The following NDUFAF1 variants were observed in gnomAD, a reference collection of about 807,000 sequenced individuals.
NDUFAF1 encodes the protein complex I intermediate-associated protein 30, mitochondrial.
NDUFAF1 carries 18 observed loss-of-function variants against 28.7 expected under a neutral mutation model. The ratio of observed to expected loss-of-function variants is 0.63; its 90% CI spans 0.43 to 0.93. The LOEUF (loss-of-function observed/expected upper bound fraction) is 0.93, where lower values mean the gene tolerates loss of function less well. Among genes scored for constraint, NDUFAF1 ranks in the 40% least tolerant of loss-of-function variants. The pLI is 0.00. For synonymous variants in NDUFAF1, 113 were observed against 139.7 expected (o/e 0.81, Z 1.35); for missense variants, 404 against 398.3 (o/e 1.01, Z -0.12).
At chr15:41,392,062 TA>T (rs2050322959) in intron 3 of NDUFAF1, among the ~76,000 whole-genome samples, 1 of 148,910 alleles carries the variant, frequency 6.7e-6, no homozygotes, top group Non-Finnish European at 1.5e-5. Context: ...GTTTGGACTT[TA>T]TTCTTTTTTT....
At chr15:41,389,153 G>A (rs531642694) in intron 3 of NDUFAF1, among the ~76,000 whole-genome samples, 1 of 151,966 alleles carries the variant, frequency 6.6e-6, no homozygotes, top group East Asian at 1.9e-4. Flanking sequence ...TGCCATCTTG[G>A]CTCACTGCAA....
At chr15:41,395,097 AT>A in intron 2 of NDUFAF1, 53 bp from the exon 3 acceptor site, 1 of 1,544,286 alleles carries the variant, frequency 6.5e-7, no homozygotes, top group Non-Finnish European at 8.9e-7. Context: ...TATTAGCAAA[AT>A]GTGAGTCATC....
Position 41,396,814 on chromosome 15 carries a change from G to A in NDUFAF1, c.246C>T (p.Phe82=), listed in dbSNP as rs367623487. ...TTGCTTCATCTCTAATTGCTTTATC[G>A]AAACTAACATCAGGCTTCTCCTCAG... ...TSSEEKPDVS[F]DKAIRDEAIY... Residue 82 remains phenylalanine (F), a synonymous_variant, in exon 2 of 5, where the codon TTC becomes TTT. Transcript: ENST00000260361. The A allele has an allele frequency of 3.7e-6, 6 of 1,613,918 alleles. No individual in the cohort carries two copies. The highest frequency in any genetic ancestry group is 1.7e-5 in the Admixed American group (1 of 59,972).
At chr15:41,395,408 C>A (rs1163177601) in intron 2 of NDUFAF1, among the ~76,000 whole-genome samples, 1 of 148,876 alleles carries the variant, frequency 6.7e-6, no homozygotes, top group Admixed American at 6.8e-5. Flanking sequence ...CTTGCTCTGT[C>A]ACCCAGGCTG....
At chr15:41,387,616 G>T in intron 4 of NDUFAF1, 23 bp from the exon 5 acceptor site, 1 of 1,577,426 alleles carries the variant, frequency 6.3e-7, no homozygotes, top group Non-Finnish European at 8.7e-7. Context: ...TACAGAAATT[G>T]ATTAAAATCT....
intron 2 of NDUFAF1, among the ~76,000 whole-genome samples, chr15:41,395,460 C>T (rs1268289556): frequency 6.6e-6 from 1 of 151,124 alleles, no homozygotes; most frequent in Non-Finnish European, 1.5e-5. Flanking sequence ...AGCTCTGCCT[C>T]CTGGGTTCAC....
chr15:41,397,753 C>G (rs1345866435), intron 1 of NDUFAF1, among the ~76,000 whole-genome samples: 1 of 149,590 alleles, frequency 6.7e-6, no homozygotes, highest in Non-Finnish European at 1.5e-5. Context: ...GAGCGGAGAT[C>G]CCGCCACTAC....
At chr15:41,392,795 C>G (rs2050331357) in intron 3 of NDUFAF1, among the ~76,000 whole-genome samples, 2 of 152,084 alleles carry the variant, frequency 1.3e-5, no homozygotes, top group South Asian at 4.1e-4. Context: ...AGCTTACATG[C>G]TTAGGAGGTA....
intron 3 of NDUFAF1, among the ~76,000 whole-genome samples, chr15:41,392,063 ATTC>A (rs1166805407): frequency 1.5e-5 from 2 of 135,836 alleles, no homozygotes; most frequent in African/African-American, 5.4e-5. Flanking sequence ...TTTGGACTTT[ATTC>A]TTTTTTTTTT....
chr15:41,390,451 C>T (rs1443894552), intron 3 of NDUFAF1, among the ~76,000 whole-genome samples: 4 of 152,038 alleles, frequency 2.6e-5, no homozygotes, highest in East Asian at 3.9e-4. Flanking sequence ...TTGTGCCAGG[C>T]GCGGTGGCTC....
intron 3 of NDUFAF1, among the ~76,000 whole-genome samples, chr15:41,391,274 CA>C (rs750831412): frequency 3.3e-5 from 5 of 151,720 alleles, no homozygotes; most frequent in Non-Finnish European, 7.4e-5. Context: ...ATTCTAGGTA[CA>C]GGGGAAACTG....
At chr15:41,392,217 C>T (rs752158092) in intron 3 of NDUFAF1, among the ~76,000 whole-genome samples, 4 of 151,856 alleles carry the variant, frequency 2.6e-5, no homozygotes, top group African/African-American at 7.3e-5. Context: ...GGACTACAGG[C>T]GTGTGCCACC....
intron 1 of NDUFAF1, among the ~76,000 whole-genome samples, chr15:41,401,451 T>G (rs2050462515): frequency 6.7e-6 from 1 of 149,162 alleles, no homozygotes; most frequent in Admixed American, 6.7e-5. Flanking sequence ...TTTTTTTTTT[T>G]TAAGACAGAG....
chr15:41,396,618 T>A lies in NDUFAF1; in HGVS notation c.442A>T (p.Ser148Cys). Residue 148 changes from serine (S) to cysteine (C), a missense_variant, in exon 2 of 5, where the codon AGT becomes TGT. Physicochemically the swap from Ser to Cys is moderately radical, Grantham distance 112. Transcript: ENST00000260361. The stretch of plus-strand genomic sequence containing the variant: ...TTGCCCATTTTCAAAAACACTTCAC[T>A]TCTGCCTCCAATCGTCTTATCAGAA... ...VTSDKTIGGRSEVFLKMGKNN... is the reference protein window; with the variant it reads ...VTSDKTIGGRCEVFLKMGKNN... 1 of 1,614,128 alleles carries A rather than the reference T, an allele frequency of 6.2e-7. No homozygotes were observed. Among genetic ancestry groups the A allele is most frequent in the Non-Finnish European group, 8.5e-7 (1 of 1,180,040 alleles).
At chr15:41,402,584 A>G, upstream of NDUFAF1, 1 of 255,204 alleles carries the variant, frequency 3.9e-6, no homozygotes, top group South Asian at 4.0e-5. Context: ...GAAGGACAGC[A>G]AGGACCCCGT....
chr15:41,402,437 C>A lies in NDUFAF1; in HGVS notation c.-375G>T, dbSNP rs916223731. On this transcript the variant is annotated 5_prime_UTR_variant, in exon 1 of 5. Coordinates refer to ENST00000260361, the MANE Select transcript of NDUFAF1 (RefSeq NM_016013.4). ...CGGGACACACCAACCGCCGGCCTGCCGCCGCTTACCTCCCCGAGCCTATAG... is the reference window on the plus strand; with the variant it reads ...CGGGACACACCAACCGCCGGCCTGCAGCCGCTTACCTCCCCGAGCCTATAG... 2 of 432,160 alleles carry A rather than the reference C, an allele frequency of 4.6e-6. No individual in the cohort carries two copies. The highest frequency in any genetic ancestry group is 9.4e-6 in the Non-Finnish European group (2 of 212,664). 26.8% of individuals were successfully genotyped at this position (432,160 alleles called of 1,614,324 possible).
At chr15:41,394,019 CTTTTTTT>C (rs549825524) in intron 3 of NDUFAF1, 81 of 130,134 alleles carry the variant, frequency 6.2e-4, no homozygotes, top group Admixed American at 2.6e-3. Flanking sequence ...TAGGACACTA[CTTTTTTT>C]TTTTTTTTTT....
intron 1 of NDUFAF1, among the ~76,000 whole-genome samples, chr15:41,399,372 G>C (rs888384617): frequency 6.6e-6 from 1 of 151,872 alleles, no homozygotes; most frequent in East Asian, 1.9e-4. Context: ...CTCCAGCCTG[G>C]GCGACAGAGT....
At chr15:41,392,028 T>A (rs1213333726) in intron 3 of NDUFAF1, among the ~76,000 whole-genome samples, 1 of 151,294 alleles carries the variant, frequency 6.6e-6, no homozygotes, top group Non-Finnish European at 1.5e-5. Context: ...TCCGATATTG[T>A]AGGCCCATAG....
Sources: gnomAD v4.1 joint callset for allele counts (sites outside exome capture counted in the v4.1 genomes callset) on GRCh38, gnomAD v4.1.1 for gene constraint, MANE v1.5 for transcripts, NCBI Gene and HGNC (gene_info 2026-07-23, HGNC 2026-07-21) for gene names.